Variants in DIP2C observed in about 807,000 individuals in gnomAD.
The protein encoded by DIP2C is DIP2 acetate--CoA ligase C (putative).
DIP2C carries 33 observed loss-of-function variants against 192.4 expected under a neutral mutation model. The ratio of observed to expected loss-of-function variants is 0.17; its 90% confidence interval spans 0.13 to 0.23. The LOEUF (loss-of-function observed/expected upper bound fraction) is 0.23, where lower values mean the gene tolerates loss of function less well. Ranked by LOEUF, DIP2C falls within the 10% of genes least tolerant of loss-of-function variation. The pLI is 1.00. For missense variants in DIP2C, 1,537 were observed against 2,110.1 expected (o/e 0.73, Z 5.32); for synonymous variants, 979 against 864.1 (o/e 1.13, Z -2.33).
At chr10:352,537 G>C (rs1251035987) in intron 24 of DIP2C, among the ~76,000 whole-genome samples, 2 of 152,234 alleles carry the variant, frequency 1.3e-5, no homozygotes, top group Admixed American at 6.5e-5. Context: ...CCTTGAGATA[G>C]TGCTGTGCTG....
At position 275,539 on chromosome 10, in the gene DIP2C, C is replaced by T. The variant is rs1954471842; in HGVS notation, c.*1786G>A. ...CAGAAGTCAAACAAAACTCTTTTAG[C>T]AAAAGGCTTACTGCTGACTGCATAT... On this transcript the variant is annotated 3_prime_UTR_variant, in exon 37 of 37. Transcript: ENST00000280886. 1 of 143,872 alleles carries T rather than the reference C, an allele frequency of 7.0e-6. No homozygotes were observed. Among genetic ancestry groups the T allele is most frequent in the Non-Finnish European group, 1.5e-5 (1 of 67,014 alleles). The allele number at this position is 143,872 out of a possible 1,614,324, so 8.9% of individuals were successfully genotyped here. A position where few individuals can be genotyped will look rare whatever the true frequency, so the allele number is the denominator to read the frequency against.
chr10:376,079 C>A (rs917864291), intron 17 of DIP2C, among the ~76,000 whole-genome samples: 1 of 152,202 alleles, frequency 6.6e-6, no homozygotes, highest in African/African-American at 2.4e-5. Context: ...ATGTACCAGG[C>A]GTGCTTTCAA....
At chr10:375,721 G>A (rs1961489440) in intron 17 of DIP2C, among the ~76,000 whole-genome samples, 1 of 152,136 alleles carries the variant, frequency 6.6e-6, no homozygotes, top group Non-Finnish European at 1.5e-5. Flanking sequence ...CCAGGCTTGG[G>A]ACATTCACAC....
At position 286,259 on chromosome 10, in the gene DIP2C, G is replaced by A. The variant is rs2288680; in HGVS notation, c.4119+14C>T. The A allele has an allele frequency of 0.035, 56,097 of 1,613,326 alleles. 1,218 individuals are homozygous for A. Among genetic ancestry groups the A allele is most frequent in the East Asian group, 0.078 (3,477 of 44,864 alleles). On this transcript the variant is annotated intron_variant, in intron 34 of 36. Transcript: ENST00000280886. ...CAGAAAAGTAACCTGGATCTCGGAGGACACTCAACTCACCTCTCCAAGGTG... is the reference window on the plus strand; with the variant it reads ...CAGAAAAGTAACCTGGATCTCGGAGAACACTCAACTCACCTCTCCAAGGTG...
intron 1 of DIP2C, among the ~76,000 whole-genome samples, chr10:587,024 C>G (rs1036301674): frequency 2.1e-5 from 3 of 141,196 alleles, no homozygotes; most frequent in African/African-American, 7.8e-5. Context: ...GGGTCTAAGG[C>G]CGGACCACCT....
intron 32 of DIP2C, among the ~76,000 whole-genome samples, chr10:304,950 G>A (rs994808195): frequency 2.4e-4 from 36 of 151,962 alleles, no homozygotes; most frequent in Admixed American, 2.6e-4. Context: ...GCACACACAC[G>A]ACACGTGCAA....
At chr10:585,002 C>T (rs956048375) in intron 1 of DIP2C, among the ~76,000 whole-genome samples, 5 of 149,908 alleles carry the variant, frequency 3.3e-5, no homozygotes, top group African/African-American at 4.9e-5. Flanking sequence ...CAGATAATCT[C>T]GGGGCCCGCA....
chr10:396,838 AAACTGGCTGCAAATCCGGTGGGGGGG>A (rs1964030114), intron 10 of DIP2C, among the ~76,000 whole-genome samples: 1 of 40,188 alleles, frequency 2.5e-5, no homozygotes, highest in Non-Finnish European at 6.1e-5. Flanking sequence ...GGGGGGGGGG[AAACTGGCTGCAAATCCGGTGGGGGGG>A]AAACTGGCAT....
intron 32 of DIP2C, among the ~76,000 whole-genome samples, chr10:306,134 A>G (rs1469961463): frequency 6.6e-6 from 1 of 152,066 alleles, no homozygotes; most frequent in Non-Finnish European, 1.5e-5. Flanking sequence ...GTCACTTGCA[A>G]ATAGTCTCAA....
At chr10:489,496 T>C (rs1272444071) in intron 1 of DIP2C, among the ~76,000 whole-genome samples, 1 of 152,258 alleles carries the variant, frequency 6.6e-6, no homozygotes, top group Non-Finnish European at 1.5e-5. Context: ...GAACAGCTTC[T>C]TGGGTTGGGC....
At chr10:408,505 G>A (rs888969590) in intron 9 of DIP2C, among the ~76,000 whole-genome samples, 7 of 152,208 alleles carry the variant, frequency 4.6e-5, no homozygotes, top group African/African-American at 1.4e-4. Flanking sequence ...TGCCTTTATA[G>A]TATTGCTTAA....
chr10:446,074 T>A (rs1968173014), intron 3 of DIP2C, among the ~76,000 whole-genome samples: 1 of 151,924 alleles, frequency 6.6e-6, no homozygotes, highest in South Asian at 2.1e-4. Context: ...CCACTGGGCA[T>A]CTGTATACGT....
At chr10:552,040 C>T (rs1193094869) in intron 1 of DIP2C, among the ~76,000 whole-genome samples, 1 of 152,234 alleles carries the variant, frequency 6.6e-6, no homozygotes, top group Non-Finnish European at 1.5e-5. Context: ...GTGGCTACAG[C>T]TTCGGAAGAC....
intron 31 of DIP2C, among the ~76,000 whole-genome samples, chr10:326,625 A>C (rs1441886257): frequency 6.6e-6 from 1 of 152,208 alleles, no homozygotes; most frequent in Non-Finnish European, 1.5e-5. Flanking sequence ...GAACCTGCTC[A>C]ATGTCATTAA....
In DIP2C at chr10:651,115, C is replaced by T. The variant is rs1365624724; in HGVS notation, c.85+38379G>A. 5 of 717,536 alleles carry T rather than the reference C, an allele frequency of 7.0e-6. No individual in the cohort carries two copies. Among genetic ancestry groups the T allele is most frequent in the Non-Finnish European group, 7.8e-6 (3 of 385,106 alleles). The allele number at this position is 717,536 out of a possible 1,614,324, so 44.4% of individuals were successfully genotyped here. On this transcript the variant is annotated intron_variant, in intron 1 of 36. Coordinates refer to ENST00000280886, the MANE Select transcript of DIP2C (RefSeq NM_014974.3). The surrounding 1 kb of genome is among the most constrained non-coding windows in gnomAD (Gnocchi z 4.1). ...CCCAAACTCTCTCCTGGCCAGCTCT[C>T]GCCACACTCAGTCAATGTCCACTGG...
At chr10:378,593 A>ATC (rs1491136290) in intron 17 of DIP2C, among the ~76,000 whole-genome samples, 1 of 118,786 alleles carries the variant, frequency 8.4e-6, no homozygotes, top group African/African-American at 3.3e-5. Flanking sequence ...ACGCAGACAT[A>ATC]GACACACATG....
chr10:563,380 ACAG>A (rs1203895214), intron 1 of DIP2C, among the ~76,000 whole-genome samples: 1 of 152,050 alleles, frequency 6.6e-6, no homozygotes, highest in African/African-American at 2.4e-5. Flanking sequence ...AAACCTCCTA[ACAG>A]CAGTTGTATT....
At chr10:541,542 C>CCA (rs1298591777) in intron 1 of DIP2C, among the ~76,000 whole-genome samples, 1 of 149,396 alleles carries the variant, frequency 6.7e-6, no homozygotes, top group Non-Finnish European at 1.5e-5. Flanking sequence ...CTCCTCGACC[C>CCA]CACAGTGTGA....
At chr10:602,489 G>C (rs1470621666) in intron 1 of DIP2C, among the ~76,000 whole-genome samples, 2 of 152,234 alleles carry the variant, frequency 1.3e-5, no homozygotes, top group Non-Finnish European at 2.9e-5. Flanking sequence ...TCGCTCTCAG[G>C]ACCGGGGTTG....
Sources: gnomAD v4.1 joint callset for allele counts (sites outside exome capture counted in the v4.1 genomes callset) on GRCh38, gnomAD v4.1.1 for gene constraint, Gnocchi (gnomAD v3.1) non-coding constraint, MANE v1.5 for transcripts, NCBI Gene and HGNC (gene_info 2026-07-23, HGNC 2026-07-21) for gene names.